GPNMB: variants seen among roughly 807,000 people sequenced by gnomAD.
GPNMB encodes transmembrane glycoprotein NMB.
GPNMB carries 71 observed loss-of-function variants against 57.3 expected under a neutral mutation model. The observed-to-expected ratio is 1.24, with a 90% CI of 1.02 to 1.51. GPNMB has a LOEUF of 1.51. Among genes scored for constraint, GPNMB ranks in the 40% most tolerant of loss-of-function variants. The pLI, the probability that GPNMB is intolerant of heterozygous loss-of-function variation, is 0.00. For missense variants in GPNMB, 677 were observed against 691.9 expected (o/e 0.98, Z 0.24); for synonymous variants, 253 against 263.2 (o/e 0.96, Z 0.38).
At chr7:23,256,009 C>G (rs1244187594) in intron 3 of GPNMB, among the ~76,000 whole-genome samples, 1 of 152,070 alleles carries the variant, frequency 6.6e-6, no homozygotes, top group Non-Finnish European at 1.5e-5. Flanking sequence ...CAGGTTCAAG[C>G]AATTCTCCTG....
chr7:23,266,306 T>G, intron 6 of GPNMB: 1 of 555,420 alleles, frequency 1.8e-6, no homozygotes, highest in Non-Finnish European at 3.2e-6. Flanking sequence ...TATGCTTCCT[T>G]ACATAATTTA....
chr7:23,250,948 T>G (rs1782646586), intron 1 of GPNMB: 1 of 152,232 alleles, frequency 6.6e-6, no homozygotes, highest in African/African-American at 2.4e-5. Flanking sequence ...TCTTTTCATA[T>G]GACTCAAGTG....
At chr7:23,262,016 A>T (rs1782936865) in intron 6 of GPNMB, among the ~76,000 whole-genome samples, 1 of 152,070 alleles carries the variant, frequency 6.6e-6, no homozygotes, top group Non-Finnish European at 1.5e-5. Flanking sequence ...ATAGGCTGAC[A>T]TCCTCTCACT....
intron 1 of GPNMB, chr7:23,247,221 A>G: frequency 4.8e-6 from 2 of 412,944 alleles, no homozygotes; most frequent in Non-Finnish European, 9.1e-6. Context: ...TGGTTGGGGG[A>G]GGGTTGGACA....
At chr7:23,259,142 A>G (rs1305209951) in intron 4 of GPNMB, among the ~76,000 whole-genome samples, 1 of 152,188 alleles carries the variant, frequency 6.6e-6, no homozygotes, top group Non-Finnish European at 1.5e-5. Context: ...GAACCACCCC[A>G]TTCTGTTTTA....
At chr7:23,251,551 G>T (rs1276546980) in intron 1 of GPNMB, among the ~76,000 whole-genome samples, 1 of 152,166 alleles carries the variant, frequency 6.6e-6, no homozygotes, top group African/African-American at 2.4e-5. Flanking sequence ...TTCATTGAAG[G>T]CTCCATTTCT....
At chr7:23,248,486 T>A (rs1441866510) in intron 1 of GPNMB, among the ~76,000 whole-genome samples, 1 of 152,132 alleles carries the variant, frequency 6.6e-6, no homozygotes, top group African/African-American at 2.4e-5. Flanking sequence ...GGACTAAATA[T>A]TCTGCCCAGA....
chr7:23,264,168 A>T (rs1783001273), intron 6 of GPNMB, among the ~76,000 whole-genome samples: 1 of 151,952 alleles, frequency 6.6e-6, no homozygotes, highest in Non-Finnish European at 1.5e-5. Context: ...ATAAAATAAC[A>T]TCATATCATA....
chr7:23,273,547 A>G lies in GPNMB; in HGVS notation c.1456A>G (p.Asn486Asp). The G allele has an allele frequency of 2.5e-6, 4 of 1,613,808 alleles. No individual in the cohort carries two copies. Among genetic ancestry groups the G allele is most frequent in the Non-Finnish European group, 2.5e-6 (3 of 1,179,670 alleles). ...RDPASPLRMA[N>D]SALISVGCLA... The stretch of plus-strand genomic sequence containing the variant: ...CCCAGCCTCGCCTTTAAGGATGGCA[A>G]ACAGTGCCCTGATCTCCGTTGGCTG... The change falls in exon 10 of 11, where the codon AAC becomes GAC. Residue 486 changes from asparagine (N) to aspartate (D), a missense_variant. Physicochemically the swap from Asn to Asp is conservative, Grantham distance 23 (BLOSUM62 1). Transcript: ENST00000258733.
rs1287850773 is a variant in GPNMB at position 23,260,540 on chromosome 7, T to A, written c.785T>A (p.Met262Lys). ...ACCTTCCTCAAAGATCTCCCCATTATGTTTGATGTCCTGATTCATGATCCT... is the reference window on the plus strand; with the variant it reads ...ACCTTCCTCAAAGATCTCCCCATTAAGTTTGATGTCCTGATTCATGATCCT... ...DETFLKDLPIMFDVLIHDPSH... is the reference protein window; with the variant it reads ...DETFLKDLPIKFDVLIHDPSH... Residue 262 changes from methionine (M) to lysine (K), a missense_variant, in exon 6 of 11, where the codon ATG becomes AAG. Coordinates refer to ENST00000258733, the MANE Select transcript of GPNMB (RefSeq NM_002510.3). 2 of 1,613,686 alleles carry A rather than the reference T, an allele frequency of 1.2e-6. No homozygotes were observed. The highest frequency in any genetic ancestry group is 1.7e-6 in the Non-Finnish European group (2 of 1,179,604).
chr7:23,270,175 G>C lies in GPNMB; in HGVS notation c.1429G>C (p.Asp477His), dbSNP rs541175332. ...CACCCTGATTTCTGTTCCTGACAGA[G>C]GTGAGTTTTGTTTTATGGCCATATG... The part of the protein sequence containing the change: ...TSTLISVPDR[D>H]PASPLRMANS... Residue 477 changes from aspartate to histidine, a missense_variant and splice_region_variant, in exon 9 of 11, where the codon GAC becomes CAC. Asp to His is a moderately conservative substitution (Grantham distance 81). Coordinates refer to ENST00000258733, the MANE Select transcript of GPNMB (RefSeq NM_002510.3). 1 of 1,611,492 alleles carries C rather than the reference G, an allele frequency of 6.2e-7. No homozygotes were observed. Among genetic ancestry groups the C allele is most frequent in the Non-Finnish European group, 8.5e-7 (1 of 1,177,814 alleles).
intron 9 of GPNMB, chr7:23,273,251 G>C (rs1783253250): frequency 3.0e-6 from 1 of 337,388 alleles, no homozygotes; most frequent in African/African-American, 2.1e-5. Flanking sequence ...GCGCTGCTGG[G>C]TCACCCAAGA....
intron 10 of GPNMB, 157 bp downstream of exon 10, chr7:23,273,771 T>C (rs1783270296): frequency 1.7e-6 from 1 of 603,448 alleles, no homozygotes; most frequent in Admixed American, 3.3e-5. Context: ...ACTGGCCTGT[T>C]AATCTTGTTG....
At position 23,266,552 on chromosome 7, in the gene GPNMB, A is replaced by G; in HGVS notation, c.1054A>G (p.Ile352Val). The G allele has an allele frequency of 1.2e-6, 2 of 1,613,878 alleles. No individual in the cohort carries two copies. The highest frequency in any genetic ancestry group is 1.7e-6 in the Non-Finnish European group (2 of 1,179,728). The change falls in exon 7 of 11, where the codon ATT becomes GTT. Residue 352 changes from isoleucine to valine, a missense_variant. Transcript: ENST00000258733. The part of the protein sequence containing the change: ...AGDNPLELSR[I>V]PDENCQINRY... ...TGACAACCCCCTGGAGCTGAGTAGG[A>G]TTCCTGATGAAAACTGCCAGATTAA...
In GPNMB at chr7:23,267,759, C is replaced by A. The variant is rs1356320014; in HGVS notation, c.1118-127C>A. 5.5e-5 allele frequency: 40 copies of A among 729,024 alleles called. No individual in the cohort carries two copies. The South Asian group carries it at 5.7e-4, about 10-fold the overall frequency. The allele number at this position is 729,024 out of a possible 1,614,324, so 45.2% of individuals were successfully genotyped here. On this transcript the variant is annotated intron_variant, in intron 7 of 10. Coordinates refer to ENST00000258733, the MANE Select transcript of GPNMB (RefSeq NM_002510.3). ...AAAGACCCCCCTCCTAATGCTATCA[C>A]CTTGGGGGTTTCAACATATGAATTT...
Position 23,253,407 on chromosome 7 carries a change from ACT to A in GPNMB, c.174_175del (p.Tyr59ProfsTer26), listed in dbSNP as rs1207504619. On this transcript the variant is annotated frameshift_variant, in exon 2 of 11. Transcript: ENST00000258733. LOFTEE classifies it high-confidence loss of function. Reference protein sequence around the residue: ...SSDENDWNEKLYPVWKRGDMR... With the variant: ...SSDENDWNEKXYPVWKRGDMR... ...CTGATGAAAATGACTGGAATGAAAAACTCTACCCAGTGTGGAAGCGGGGAGAC... is the reference window on the plus strand; with the variant it reads ...CTGATGAAAATGACTGGAATGAAAAACTACCCAGTGTGGAAGCGGGGAGAC... 4 of 1,613,664 alleles carry A rather than the reference ACT, an allele frequency of 2.5e-6. No individual in the cohort carries two copies. The highest frequency in any genetic ancestry group is 3.4e-6 in the Non-Finnish European group (4 of 1,179,816).
chr7:23,267,715 C>T (rs961251026), intron 7 of GPNMB, among the ~76,000 whole-genome samples, 171 bp from the exon 8 acceptor site: 1 of 152,162 alleles, frequency 6.6e-6, no homozygotes, highest in Non-Finnish European at 1.5e-5. Context: ...GCTTCACCCT[C>T]ATGACCTAAC....
chr7:23,259,522 A>G (rs1782862359), intron 4 of GPNMB, among the ~76,000 whole-genome samples: 1 of 152,188 alleles, frequency 6.6e-6, no homozygotes, highest in Non-Finnish European at 1.5e-5. Flanking sequence ...TAGGAGATGG[A>G]GGATTCCAGT....
At chr7:23,265,600 G>A (rs1265677140) in intron 6 of GPNMB, among the ~76,000 whole-genome samples, 1 of 152,084 alleles carries the variant, frequency 6.6e-6, no homozygotes, top group East Asian at 1.9e-4. Context: ...TTGGAGCTGT[G>A]AGACATCCAA....
Sources: gnomAD v4.1 joint callset for allele counts (sites outside exome capture counted in the v4.1 genomes callset) on GRCh38, gnomAD v4.1.1 for gene constraint, MANE v1.5 for transcripts, NCBI Gene and HGNC (gene_info 2026-07-23, HGNC 2026-07-21) for gene names.